The following COL6A3 variants were observed in gnomAD, a reference collection of about 807,000 sequenced individuals.
The protein encoded by COL6A3 is collagen type VI alpha 3 chain.
Under a neutral mutation model 274.1 loss-of-function variants are expected in COL6A3, and 137 were observed. That is an observed-to-expected ratio of 0.50 (90% CI 0.44 to 0.58). COL6A3 has a LOEUF of 0.58. Ranked by LOEUF, COL6A3 falls within the 20% of genes least tolerant of loss-of-function variation. The probability of loss-of-function intolerance (pLI) is 0.00; values close to 1 mark genes in which losing one functional copy is unlikely to be tolerated. For synonymous variants in COL6A3, 1,650 were observed against 1,650.6 expected, an observed-to-expected ratio of 1.00 and a Z score of 0.01; for missense variants, 3,950 against 4,124.9, an observed-to-expected ratio of 0.96 and a Z score of 1.16.
In COL6A3 at chr2:237,371,615, G is replaced by C. The variant is rs774963028; in HGVS notation, c.4285+117C>G. ...CCTGTCTCAAAATAAAAACCATAAA[G>C]GTAAGGGCATACAACCTTTATTTTA... On this transcript the variant is annotated intron_variant, in intron 9 of 43. Transcript: ENST00000295550. The surrounding 1 kb of genome is among the most constrained non-coding windows in gnomAD (Gnocchi z 4.3). 52 of 1,493,868 alleles carry C rather than the reference G, an allele frequency of 3.5e-5. No homozygotes were observed. The Middle Eastern group carries it at 9.1e-4, about 26-fold the overall frequency. 92.5% of individuals were successfully genotyped at this position (1,493,868 alleles called of 1,614,324 possible).
At position 237,377,113 on chromosome 2, in the gene COL6A3, G is replaced by T. The variant is rs189356869; in HGVS notation, c.2729C>A (p.Thr910Lys). 1.4e-5 allele frequency: 23 copies of T among 1,614,052 alleles called. No individual in the cohort carries two copies. The highest frequency in any genetic ancestry group is 1.8e-5 in the Non-Finnish European group (21 of 1,180,044). Residue 910 changes from threonine to lysine, a missense_variant, in exon 7 of 44, where the codon ACG (threonine) becomes AAG (lysine). By Grantham distance (78) the Thr-to-Lys change is moderately conservative (BLOSUM62 -1). Coordinates refer to ENST00000295550, the MANE Select transcript of COL6A3 (RefSeq NM_004369.4). ...LNLVKRMKIKTGKALNLGYAL... is the reference protein window; with the variant it reads ...LNLVKRMKIKKGKALNLGYAL... Reference sequence around the variant, plus strand: ...GTAGCCCAGGTTGAGGGCTTTGCCCGTCTTGATCTTCATTCTCTTCACAAG... The same window carrying T: ...GTAGCCCAGGTTGAGGGCTTTGCCCTTCTTGATCTTCATTCTCTTCACAAG...
In COL6A3 at chr2:237,371,718, C is replaced by T. The variant is rs373893821; in HGVS notation, c.4285+14G>A. The T allele has an allele frequency of 3.7e-5, 58 of 1,575,226 alleles. No homozygotes were observed. Among genetic ancestry groups the T allele is most frequent in the South Asian group, 2.7e-4 (23 of 86,526 alleles). On this transcript the variant is annotated intron_variant, in intron 9 of 43. Transcript: ENST00000295550. The surrounding 1 kb of genome is among the most constrained non-coding windows in gnomAD (Gnocchi z 4.3). ...AAAATGCTCCAAGGAGAACCTCCGACGCCCCCATCTCACCTGGAGGTGGAT... is the reference window on the plus strand; with the variant it reads ...AAAATGCTCCAAGGAGAACCTCCGATGCCCCCATCTCACCTGGAGGTGGAT...
At chr2:237,327,710 G>A (rs192527034) in intron 42 of COL6A3, 10 of 152,282 alleles carry the variant, frequency 6.6e-5, no homozygotes, top group South Asian at 2.1e-4. Context: ...GCATGAAAAC[G>A]GAGGATTTTA....
chr2:237,324,606 C>A lies in COL6A3; in HGVS notation c.*168G>T. The A allele has an allele frequency of 1.5e-6, 1 of 678,060 alleles. No individual in the cohort carries two copies. Among genetic ancestry groups the A allele is most frequent in the Non-Finnish European group, 2.7e-6 (1 of 375,534 alleles). 42.0% of individuals were successfully genotyped at this position (678,060 alleles called of 1,614,324 possible). The stretch of plus-strand genomic sequence containing the variant: ...GCGAGGGTCCACAGACACATTAGCA[C>A]CATACTGATAGGTCATGCAGCAGGA... On this transcript the variant is annotated 3_prime_UTR_variant, in exon 44 of 44. Transcript: ENST00000295550.
Position 237,374,311 on chromosome 2 carries a change from T to C in COL6A3, c.3679+101A>G, listed in dbSNP as rs566538411. ...CTGTAATTTTAGTTTTCACTTCACA[T>C]GGCAGGAAAAGCAAAATTGAGAACA... is the stretch of plus-strand genomic sequence containing the variant. On this transcript the variant is annotated intron_variant, in intron 8 of 43. Transcript: ENST00000295550. The surrounding 1 kb of genome is among the most constrained non-coding windows in gnomAD (Gnocchi z 4.8). The C allele has an allele frequency of 2.7e-4, 413 of 1,549,778 alleles. 5 individuals are homozygous for C. The South Asian group carries it at 4.4e-3, about 17-fold the overall frequency.
chr2:237,329,248 T>G (rs1436612958), intron 42 of COL6A3: 1 of 152,066 alleles, frequency 6.6e-6, no homozygotes, highest in Non-Finnish European at 1.5e-5. Context: ...AGAGACAGGG[T>G]TTCACCATGT....
intron 3 of COL6A3, 56 bp downstream of exon 3, chr2:237,394,531 A>G: frequency 6.2e-7 from 1 of 1,611,720 alleles, no homozygotes; most frequent in East Asian, 2.2e-5. Context: ...AGCAGTTGCC[A>G]AGCTCATCTC....
At position 237,395,038 on chromosome 2, in the gene COL6A3, G is replaced by A. The variant is rs766920743; in HGVS notation, c.258C>T (p.Asn86=). ...TATTTAACAGGAACTCGGTATGTGG[G>A]TTTCCGTTGAACTGGACCAGAGCAA... ...FHFALVQFNG[N]PHTEFLLNTY... The change falls in exon 3 of 44, where the codon AAC becomes AAT. Residue 86 remains asparagine (N), a synonymous_variant. Transcript: ENST00000295550. 6 of 1,614,096 alleles carry A rather than the reference G, an allele frequency of 3.7e-6. 1 individual carries two copies. In the South Asian group the frequency reaches 6.6e-5, roughly 18 times the overall value.
In COL6A3 at chr2:237,340,843, G is replaced by A. The variant is rs886042689; in HGVS notation, c.8073C>T (p.Asp2691=). ...CCACCAGCTTCTCCTTGGAGCCATAGTCAGTCAGGGAGAATTCCACCTTCA... is the reference window on the plus strand; with the variant it reads ...CCACCAGCTTCTCCTTGGAGCCATAATCAGTCAGGGAGAATTCCACCTTCA... The part of the protein sequence containing the change: ...PPVKVEFSLT[D]YGSKEKLVDF... The change falls in exon 38 of 44, where the codon GAC becomes GAT. Residue 2691 remains aspartate (D), a synonymous_variant. Transcript: ENST00000295550. 6.2e-7 allele frequency: 1 copy of A among 1,614,186 alleles called. No individual in the cohort carries two copies. Among genetic ancestry groups the A allele is most frequent in the South Asian group, 1.1e-5 (1 of 91,080 alleles).
Position 237,344,222 on chromosome 2 carries a change from G to C in COL6A3, c.7668+128C>G. On this transcript the variant is annotated intron_variant, in intron 36 of 43. Coordinates refer to ENST00000295550, the MANE Select transcript of COL6A3 (RefSeq NM_004369.4). The surrounding 1 kb of genome is among the most constrained non-coding windows in gnomAD (Gnocchi z 4.8). ...ACCTCACAAGAGAAGTTCTCAGGCA[G>C]ATGGCCTCATTGGGGACGTTTTAGG... is the stretch of plus-strand genomic sequence containing the variant. 2 of 1,409,600 alleles carry C rather than the reference G, an allele frequency of 1.4e-6. No individual in the cohort carries two copies. Among genetic ancestry groups the C allele is most frequent in the East Asian group, 4.5e-5 (2 of 44,002 alleles). 87.3% of individuals were successfully genotyped at this position (1,409,600 alleles called of 1,614,324 possible). A position where few individuals can be genotyped will look rare whatever the true frequency, so the allele number is the denominator to read the frequency against.
At chr2:237,336,033 G>A (rs546281756) in intron 40 of COL6A3, 102 bp downstream of exon 40, 1 of 1,436,630 alleles carries the variant, frequency 7.0e-7, no homozygotes, top group African/African-American at 1.4e-5. Flanking sequence ...CCCAGATCAA[G>A]GACTGTATTC....
rs969480412 is a variant in COL6A3, at chr2:237,367,137, T to C, written c.5050A>G (p.Asn1684Asp). 1 of 1,614,200 alleles carries C rather than the reference T, an allele frequency of 6.2e-7. No individual in the cohort carries two copies. The highest frequency in any genetic ancestry group is 8.5e-7 in the Non-Finnish European group (1 of 1,180,042). The change falls in exon 11 of 44, where the codon AAC (asparagine) becomes GAC (aspartate). Residue 1684 changes from asparagine (N) to aspartate (D), a missense_variant. Asn to Asp is a conservative substitution (Grantham distance 23). Coordinates refer to ENST00000295550, the MANE Select transcript of COL6A3 (RefSeq NM_004369.4). Reference protein sequence around the residue: ...DSIQVGLVQYNSDPTDEFFLK... With the variant: ...DSIQVGLVQYDSDPTDEFFLK... The stretch of plus-strand genomic sequence containing the variant: ...AAGAATTCGTCAGTGGGGTCAGAGT[T>C]GTACTGGACAAGCCCCACTTGGATG...
chr2:237,375,226 T>A lies in COL6A3; in HGVS notation c.3071-206A>T, dbSNP rs151278133. ...AGCCAGGTGGGCCCAATGTAATCAA[T>A]CACAAGTGTCCTTATAAGAGGGGGT... On this transcript the variant is annotated intron_variant, in intron 7 of 43. Transcript: ENST00000295550. Among the ~76,000 whole-genome samples the A allele has an allele frequency of 2.8e-3, 424 of 152,232 alleles. 4 individuals carry two copies. Among genetic ancestry groups the A allele is most frequent in the African/African-American group, 9.7e-3 (403 of 41,530 alleles).
chr2:237,395,083 C>A lies in COL6A3; in HGVS notation c.213G>T (p.Val71=). The change falls in exon 3 of 44, where the codon GTG becomes GTT. Residue 71 remains valine (V), a synonymous_variant. Coordinates refer to ENST00000295550, the MANE Select transcript of COL6A3 (RefSeq NM_004369.4). ...FLYDVVKSLA[V]GENDFHFALV... ...GAGCAAAATGGAAATCATTTTCTCC[C>A]ACAGCTAAGGATTTTACAACATCAT... 1 of 1,614,056 alleles carries A rather than the reference C, an allele frequency of 6.2e-7. No homozygotes were observed.
intron 3 of COL6A3, among the ~76,000 whole-genome samples, chr2:237,393,952 C>T (rs982239130): frequency 1.3e-5 from 2 of 152,148 alleles, no homozygotes; most frequent in African/African-American, 4.8e-5. Context: ...CCATGATTAC[C>T]GCATGGAGAA....
At chr2:237,326,296 G>A (rs1699938639) in intron 42 of COL6A3, 1 of 151,982 alleles carries the variant, frequency 6.6e-6, no homozygotes, top group African/African-American at 2.4e-5. Context: ...TGGTAGCCAA[G>A]AGCCTTTGTG....
At chr2:237,380,352 C>T (rs1462585128) in intron 5 of COL6A3, among the ~76,000 whole-genome samples, 1 of 152,256 alleles carries the variant, frequency 6.6e-6, no homozygotes, top group African/African-American at 2.4e-5. Flanking sequence ...TAACTCTCCA[C>T]TGGCAATCAT....
intron 7 of COL6A3, 105 bp from the exon 8 acceptor site, chr2:237,375,125 TC>T (rs1183621271): frequency 3.9e-6 from 6 of 1,534,222 alleles, no homozygotes; most frequent in Middle Eastern, 1.7e-4. Context: ...CAAGTCCAAA[TC>T]CCCGAACTTG....
Position 237,412,675 on chromosome 2 carries a change from G to A in COL6A3, c.-31+1278C>T, listed in dbSNP as rs576856609. ...TTTTGCTTAGGAGCAATGTAACTTT[G>A]ATTTTAAAGCCATTTCGGTTGTTTT... is the stretch of plus-strand genomic sequence containing the variant. On this transcript the variant is annotated intron_variant, in intron 1 of 43. Coordinates refer to ENST00000295550, the MANE Select transcript of COL6A3 (RefSeq NM_004369.4). Among the ~76,000 whole-genome samples, 587 of 152,320 alleles carry A rather than the reference G, an allele frequency of 3.9e-3. 5 individuals carry two copies. The highest frequency in any genetic ancestry group is 5.3e-3 in the Non-Finnish European group (359 of 68,016).
Sources: gnomAD v4.1 joint callset for allele counts (sites outside exome capture counted in the v4.1 genomes callset) on GRCh38, gnomAD v4.1.1 for gene constraint, Gnocchi (gnomAD v3.1) non-coding constraint, MANE v1.5 for transcripts, NCBI Gene and HGNC (gene_info 2026-07-23, HGNC 2026-07-21) for gene names.